Variants in OPRM1 observed in about 807,000 individuals in gnomAD.
OPRM1 encodes the protein opioid receptor mu 1.
In OPRM1, 27 loss-of-function variants were observed where a neutral mutation model predicts 31.8. The ratio of observed to expected loss-of-function variants is 0.85; its 90% CI spans 0.63 to 1.17. OPRM1 has a LOEUF of 1.17. OPRM1 is among the 50% of genes most tolerant of loss of function. The pLI is 0.00. For synonymous variants in OPRM1, 196 were observed against 189.9 expected, an observed-to-expected ratio of 1.03 and a Z score of -0.26; for missense variants, 536 against 511.1, an observed-to-expected ratio of 1.05 and a Z score of -0.47.
chr6:154,185,491 G>A (rs2128573701), intron 3 of OPRM1, among the ~76,000 whole-genome samples: 1 of 152,218 alleles, frequency 6.6e-6, no homozygotes, highest in Non-Finnish European at 1.5e-5. Flanking sequence ...ACTTTACATG[G>A]TTAAAGGTCT....
At chr6:154,208,260 T>C (rs1438155839) in intron 3 of OPRM1, among the ~76,000 whole-genome samples, 1 of 152,184 alleles carries the variant, frequency 6.6e-6, no homozygotes, top group Non-Finnish European at 1.5e-5. Flanking sequence ...AGAGGGCTCC[T>C]TGCAGTACCA....
intron 1 of OPRM1, among the ~76,000 whole-genome samples, chr6:154,011,968 A>C (rs1777754481): frequency 6.6e-6 from 1 of 152,144 alleles, no homozygotes; most frequent in Non-Finnish European, 1.5e-5. Context: ...TAAATAATTT[A>C]AGTTATTGGA....
At chr6:154,092,159 G>A (rs939338781) in intron 3 of OPRM1, among the ~76,000 whole-genome samples, 7 of 151,904 alleles carry the variant, frequency 4.6e-5, no homozygotes, top group South Asian at 2.1e-4. Flanking sequence ...GGTGAATAGC[G>A]ACTAGCTTTT....
At chr6:154,153,002 G>A (rs1449491636) in intron 3 of OPRM1, among the ~76,000 whole-genome samples, 1 of 151,766 alleles carries the variant, frequency 6.6e-6, no homozygotes, top group East Asian at 1.9e-4. Flanking sequence ...GCCTCCCAAA[G>A]TGCTAGAATT....
At chr6:154,213,184 G>T (rs549594772) in intron 3 of OPRM1, 2 of 273,258 alleles carry the variant, frequency 7.3e-6, no homozygotes, top group African/African-American at 2.2e-5. Context: ...AATTTTGATT[G>T]TAGGAATCCT....
At chr6:154,021,347 T>C (rs1339156232) in intron 1 of OPRM1, among the ~76,000 whole-genome samples, 1 of 152,218 alleles carries the variant, frequency 6.6e-6, no homozygotes, top group African/African-American at 2.4e-5. Context: ...ACCACCACAC[T>C]GTCTTTATTA....
In OPRM1 at chr6:154,124,166, G is replaced by C. The variant is rs1458645496; in HGVS notation, c.*5445G>C. On this transcript the variant is annotated 3_prime_UTR_variant, in exon 4 of 4. Coordinates refer to ENST00000330432, the MANE Select transcript of OPRM1 (RefSeq NM_000914.5). ...AGCAAGGTACTTTCCACACAATATT[G>C]AATAAATGCAGTGTATACATTTTTA... 6.6e-6 allele frequency among the ~76,000 whole-genome samples: 1 copy of C among 152,126 alleles called. No homozygotes were observed. Among genetic ancestry groups the C allele is most frequent in the African/African-American group, 2.4e-5 (1 of 41,418 alleles).
rs968771509 is a variant in OPRM1 at position 154,131,152 on chromosome 6, T to C, written c.*12431T>C. The stretch of plus-strand genomic sequence containing the variant: ...ATAATTTCCACTAGAAAAGAAAAGA[T>C]GTCCTCCATGTTTTAAATTGCATTT... On this transcript the variant is annotated 3_prime_UTR_variant, in exon 4 of 4. Coordinates refer to ENST00000330432, the MANE Select transcript of OPRM1 (RefSeq NM_000914.5). 1.3e-5 allele frequency among the ~76,000 whole-genome samples: 2 copies of C among 152,192 alleles called. No individual in the cohort carries two copies. Among genetic ancestry groups the C allele is most frequent in the Admixed American group, 6.5e-5 (1 of 15,268 alleles).
chr6:154,165,337 G>A (rs1341651446), intron 3 of OPRM1, among the ~76,000 whole-genome samples: 4 of 152,062 alleles, frequency 2.6e-5, no homozygotes, highest in Non-Finnish European at 5.9e-5. Context: ...TCTCTTGACT[G>A]CTTTGAATTT....
chr6:154,034,341 G>A (rs1242364227), upstream of OPRM1, among the ~76,000 whole-genome samples: 1 of 152,138 alleles, frequency 6.6e-6, no homozygotes. Context: ...TCAGGAGATC[G>A]AGACCATCCT....
intron 3 of OPRM1, among the ~76,000 whole-genome samples, chr6:154,205,128 CT>C (rs1777386588): frequency 6.6e-6 from 1 of 152,222 alleles, no homozygotes; most frequent in African/African-American, 2.4e-5. Context: ...TGGCCACTCC[CT>C]AGCCCATTGC....
In OPRM1 at chr6:154,122,592, T is replaced by C. The variant is rs1282601249; in HGVS notation, c.*3871T>C. ...TTTAATTACAAATAATTTCAACCCA[T>C]AGTCAGTGTTCTTCACTGTCTTCAA... On this transcript the variant is annotated 3_prime_UTR_variant, in exon 4 of 4. Transcript: ENST00000330432. Among the ~76,000 whole-genome samples, 1 of 152,188 alleles carries C rather than the reference T, an allele frequency of 6.6e-6. No individual in the cohort carries two copies. Among genetic ancestry groups the C allele is most frequent in the East Asian group, 1.9e-4 (1 of 5,200 alleles).
intron 3 of OPRM1, chr6:154,246,546 C>G (rs776006523): frequency 1.3e-6 from 2 of 1,567,850 alleles, no homozygotes; most frequent in Admixed American, 3.6e-5. Context: ...TTTAACGTAT[C>G]CCTCATTAAA....
intron 1 of OPRM1, among the ~76,000 whole-genome samples, chr6:154,027,019 G>T (rs926919499): frequency 6.6e-6 from 1 of 152,132 alleles, no homozygotes; most frequent in Non-Finnish European, 1.5e-5. Flanking sequence ...GTAGATGTTT[G>T]TCTGTGTTTG....
intron 1 of OPRM1, among the ~76,000 whole-genome samples, chr6:154,063,277 G>A (rs984199170): frequency 9.9e-5 from 15 of 151,776 alleles, no homozygotes; most frequent in Admixed American, 3.3e-4. Context: ...ACATCAGTTC[G>A]CACAAACCCC....
intron 3 of OPRM1, among the ~76,000 whole-genome samples, chr6:154,142,266 G>A (rs1348336229): frequency 1.9e-5 from 1 of 51,752 alleles, no homozygotes; most frequent in Non-Finnish European, 4.5e-5. Flanking sequence ...ATAGGTCGCA[G>A]CCAGCGCCAG....
intron 1 of OPRM1, among the ~76,000 whole-genome samples, chr6:154,017,131 T>A (rs1017815996): frequency 3.3e-5 from 5 of 152,144 alleles, no homozygotes; most frequent in African/African-American, 1.2e-4. Flanking sequence ...CTCTCCTCTC[T>A]CCCTCTCTCT....
At chr6:154,194,432 T>C (rs1776424947) in intron 3 of OPRM1, among the ~76,000 whole-genome samples, 1 of 152,096 alleles carries the variant, frequency 6.6e-6, no homozygotes, top group Admixed American at 6.6e-5. Context: ...CTAAATTTAT[T>C]CCTTTCTGAG....
intron 3 of OPRM1, among the ~76,000 whole-genome samples, chr6:154,200,665 G>A (rs1481377166): frequency 2.0e-5 from 3 of 152,120 alleles, no homozygotes; most frequent in Admixed American, 6.5e-5. Flanking sequence ...AGATTGCAGC[G>A]AGCTAAGATC....
Sources: gnomAD v4.1 joint callset for allele counts (sites outside exome capture counted in the v4.1 genomes callset) on GRCh38, gnomAD v4.1.1 for gene constraint, MANE v1.5 for transcripts, NCBI Gene and HGNC (gene_info 2026-07-23, HGNC 2026-07-21) for gene names.